The following DTD1 variants were observed in gnomAD, a reference collection of about 807,000 sequenced individuals.
DTD1 encodes the protein D-tyrosyl-tRNA deacylase 1 homolog.
In DTD1, 13 loss-of-function variants were observed where a neutral mutation model predicts 25.6. That is an observed-to-expected ratio of 0.51 (90% CI 0.33 to 0.81). The LOEUF (loss-of-function observed/expected upper bound fraction) is 0.81, where lower values mean the gene tolerates loss of function less well. DTD1 is among the 30% of genes least tolerant of loss of function. The pLI is 0.02. For synonymous variants in DTD1, 110 were observed against 103.6 expected (o/e 1.06, Z -0.37); for missense variants, 193 against 266.4 (o/e 0.72, Z 1.92).
chr20:18,592,212 G>A lies in DTD1; in HGVS notation c.44-1519G>A, dbSNP rs543408308. ...ATGGCTGAGGTGACCCTTCTATTCCGATTAGCACATTAGGTCAGTACAAGA... is the reference window on the plus strand; with the variant it reads ...ATGGCTGAGGTGACCCTTCTATTCCAATTAGCACATTAGGTCAGTACAAGA... On this transcript the variant is annotated intron_variant, in intron 1 of 5. Transcript: ENST00000377452. 6.6e-5 allele frequency: 10 copies of A among 152,276 alleles called. No individual in the cohort carries two copies. In the South Asian group the frequency reaches 1.0e-3, roughly 16 times the overall value. The allele number at this position is 152,276 out of a possible 1,614,324, so 9.4% of individuals were successfully genotyped here. A position where few individuals can be genotyped will look rare whatever the true frequency, so the allele number is the denominator to read the frequency against.
At chr20:18,592,851 T>A (rs1237566194) in intron 1 of DTD1, among the ~76,000 whole-genome samples, 1 of 151,356 alleles carries the variant, frequency 6.6e-6, no homozygotes, top group Admixed American at 6.6e-5. Flanking sequence ...CCCGGCTAAT[T>A]TTTGTATTTT....
intron 5 of DTD1, among the ~76,000 whole-genome samples, chr20:18,761,158 G>T (rs1167041299): frequency 6.6e-6 from 1 of 152,144 alleles, no homozygotes; most frequent in East Asian, 1.9e-4. Context: ...CTAGGAAAGG[G>T]AATTCCCTGG....
intron 5 of DTD1, among the ~76,000 whole-genome samples, chr20:18,760,174 G>C (rs887366935): frequency 2.6e-5 from 4 of 152,092 alleles, no homozygotes; most frequent in Admixed American, 2.6e-4. Context: ...TTTGCCATGG[G>C]TTCGAACTTC....
chr20:18,739,873 A>G (rs1184841274), intron 4 of DTD1, among the ~76,000 whole-genome samples: 1 of 152,236 alleles, frequency 6.6e-6, no homozygotes, highest in Non-Finnish European at 1.5e-5. Flanking sequence ...CTCACAGAGA[A>G]CTTGAGTTTG....
At chr20:18,736,586 T>C (rs930539217) in intron 4 of DTD1, among the ~76,000 whole-genome samples, 1 of 152,186 alleles carries the variant, frequency 6.6e-6, no homozygotes, top group Non-Finnish European at 1.5e-5. Context: ...ACTCAGGGCG[T>C]GTGCACCTTG....
intron 4 of DTD1, among the ~76,000 whole-genome samples, chr20:18,650,206 G>A (rs1355145333): frequency 6.6e-6 from 1 of 152,178 alleles, no homozygotes; most frequent in Admixed American, 6.5e-5. Flanking sequence ...TCCAGTCTGG[G>A]TGACAGAGCA....
chr20:18,596,075 G>A lies in DTD1; in HGVS notation c.204G>A (p.Met68Ile). The A allele has an allele frequency of 1.2e-6, 2 of 1,614,146 alleles. No individual in the cohort carries two copies. Among genetic ancestry groups the A allele is most frequent in the East Asian group, 2.2e-5 (1 of 44,866 alleles). ...ESGKHWSKSV[M>I]DKQYEILCVS... is the part of the protein sequence containing the mutation. Reference sequence around the variant, plus strand: ...GGAAGCACTGGTCGAAGAGTGTGATGGACAAACAGTACGAGATTCTGTGTG... The same window carrying A: ...GGAAGCACTGGTCGAAGAGTGTGATAGACAAACAGTACGAGATTCTGTGTG... Residue 68 changes from methionine (M) to isoleucine (I), a missense_variant, in exon 3 of 6, where the codon ATG becomes ATA. Coordinates refer to ENST00000377452, the MANE Select transcript of DTD1 (RefSeq NM_080820.6).
chr20:18,616,026 G>C (rs538297670), intron 3 of DTD1, among the ~76,000 whole-genome samples: 1 of 152,284 alleles, frequency 6.6e-6, no homozygotes, highest in African/African-American at 2.4e-5. Flanking sequence ...GTGGAAGCCT[G>C]TTCTATATAC....
intron 4 of DTD1, among the ~76,000 whole-genome samples, chr20:18,657,280 T>C (rs1400896206): frequency 6.6e-6 from 1 of 152,218 alleles, no homozygotes; most frequent in Non-Finnish European, 1.5e-5. Context: ...GGGCCTTTTG[T>C]AGTTCATGCA....
intron 4 of DTD1, chr20:18,631,320 C>T (rs150192201): frequency 2.2e-4 from 221 of 984,820 alleles, no homozygotes; most frequent in African/African-American, 2.2e-3. Context: ...GAGCATAAAA[C>T]GAAAGGTGGG....
At position 18,749,291 on chromosome 20, in the gene DTD1, G is replaced by A. The variant is rs920109658; in HGVS notation, c.*19+5020G>A. On this transcript the variant is annotated intron_variant, in intron 5 of 5. Coordinates refer to ENST00000377452, the MANE Select transcript of DTD1 (RefSeq NM_080820.6). The surrounding 1 kb of genome is among the most constrained non-coding windows in gnomAD (Gnocchi z 4.2). ...GCAGCCCAGTGAGGTAGCAAGACAC[G>A]GTCAGGCCTCAGGGCCTGTGAGAGT... Among the ~76,000 whole-genome samples the A allele has an allele frequency of 1.3e-5, 2 of 152,210 alleles. No homozygotes were observed. Among genetic ancestry groups the A allele is most frequent in the African/African-American group, 2.4e-5 (1 of 41,454 alleles).
intron 4 of DTD1, among the ~76,000 whole-genome samples, chr20:18,702,686 A>C (rs1159509397): frequency 6.8e-6 from 1 of 146,302 alleles, no homozygotes; most frequent in East Asian, 2.2e-4. Context: ...TAGGATAGGA[A>C]TCTGGTCACA....
At chr20:18,593,010 G>A (rs1426705293) in intron 1 of DTD1, among the ~76,000 whole-genome samples, 1 of 152,042 alleles carries the variant, frequency 6.6e-6, no homozygotes, top group Admixed American at 6.6e-5. Context: ...TACCATTTGA[G>A]GTATCGTCTA....
intron 4 of DTD1, among the ~76,000 whole-genome samples, chr20:18,685,317 C>T (rs1207323799): frequency 1.3e-5 from 2 of 152,192 alleles, no homozygotes; most frequent in Non-Finnish European, 2.9e-5. Context: ...GATAAAGGTG[C>T]TGGAAGGAGA....
intron 4 of DTD1, among the ~76,000 whole-genome samples, chr20:18,645,521 C>T (rs962045114): frequency 4.6e-5 from 7 of 152,174 alleles, no homozygotes; most frequent in Non-Finnish European, 7.3e-5. Context: ...TCTCTGTGTG[C>T]CTGTTGTTGG....
At chr20:18,617,465 A>ATGTT (rs2060713633) in intron 3 of DTD1, among the ~76,000 whole-genome samples, 2 of 151,830 alleles carry the variant, frequency 1.3e-5, no homozygotes, top group African/African-American at 4.8e-5. Context: ...TCATTGTTCT[A>ATGTT]TGTTTCTGTA....
intron 4 of DTD1, among the ~76,000 whole-genome samples, chr20:18,660,206 CA>C (rs894884591): frequency 6.6e-6 from 1 of 150,868 alleles, no homozygotes; most frequent in East Asian, 1.9e-4. Context: ...GACTCCGTCT[CA>C]AAAAAAAAGT....
At chr20:18,728,202 G>A (rs1016039062) in intron 4 of DTD1, among the ~76,000 whole-genome samples, 1 of 152,226 alleles carries the variant, frequency 6.6e-6, no homozygotes, top group African/African-American at 2.4e-5. Context: ...GCCGGCAAGA[G>A]GGCCCTGCCT....
chr20:18,591,327 A>G (rs2060588470), intron 1 of DTD1, among the ~76,000 whole-genome samples: 1 of 152,228 alleles, frequency 6.6e-6, no homozygotes, highest in African/African-American at 2.4e-5. Context: ...TCCTAACTGT[A>G]GAAAAGGCTT....
Sources: allele counts gnomAD v4.1 joint callset (sites outside exome capture counted in the v4.1 genomes callset), GRCh38; gene constraint gnomAD v4.1.1; non-coding constraint Gnocchi (gnomAD v3.1); transcripts MANE v1.5; gene names NCBI Gene and HGNC (gene_info 2026-07-23, HGNC 2026-07-21).